Variants in FOXP2 observed in about 807,000 individuals in gnomAD.
FOXP2 encodes forkhead box protein P2.
Under a neutral mutation model 115.8 loss-of-function variants are expected in FOXP2, and 12 were observed. The ratio of observed to expected loss-of-function variants is 0.10; its 90% CI spans 0.07 to 0.17. The LOEUF is 0.17. FOXP2 is among the 10% of genes least tolerant of loss of function. The pLI, the probability that FOXP2 is intolerant of heterozygous loss-of-function variation, is 1.00. For synonymous variants in FOXP2, 328 were observed against 297.7 expected, an observed-to-expected ratio of 1.10 and a Z score of -1.05; for missense variants, 629 against 843.5, an observed-to-expected ratio of 0.75 and a Z score of 3.15.
intron 2 of FOXP2, among the ~76,000 whole-genome samples, chr7:114,335,250 G>T (rs1797822249): frequency 2.0e-5 from 3 of 151,492 alleles, no homozygotes; most frequent in Non-Finnish European, 4.4e-5. Context: ...TAAGAATGGG[G>T]TATAATGCCA....
chr7:114,308,457 A>C (rs1325269308), intron 2 of FOXP2, among the ~76,000 whole-genome samples: 2 of 152,130 alleles, frequency 1.3e-5, no homozygotes, highest in Admixed American at 1.3e-4. Context: ...AATTTTCAAA[A>C]CAGGTCTGTA....
intron 3 of FOXP2, among the ~76,000 whole-genome samples, chr7:114,563,094 C>G (rs891942374): frequency 2.6e-5 from 4 of 152,132 alleles, no homozygotes; most frequent in African/African-American, 9.7e-5. Context: ...TCTCTTGAGA[C>G]TTATTCACTG....
chr7:114,611,975 A>T (rs1347588555), intron 3 of FOXP2, among the ~76,000 whole-genome samples: 1 of 152,202 alleles, frequency 6.6e-6, no homozygotes, highest in African/African-American at 2.4e-5. Flanking sequence ...AAAATGAAAA[A>T]TAATTTAGGT....
At chr7:114,277,633 A>T (rs895874412) in intron 1 of FOXP2, among the ~76,000 whole-genome samples, 2 of 152,096 alleles carry the variant, frequency 1.3e-5, no homozygotes, top group Non-Finnish European at 2.9e-5. Context: ...CATAATTTCA[A>T]TCTTTTTCAG....
chr7:114,273,726 C>G (rs1261814165), intron 1 of FOXP2, among the ~76,000 whole-genome samples: 4 of 152,028 alleles, frequency 2.6e-5, no homozygotes, highest in African/African-American at 9.7e-5. Flanking sequence ...GCTTTGAAGT[C>G]TGCTATGTCT....
intron 2 of FOXP2, chr7:114,366,596 A>C (rs1482827608): frequency 6.6e-6 from 1 of 152,160 alleles, no homozygotes; most frequent in East Asian, 1.9e-4. Flanking sequence ...ATAATTTGCT[A>C]CTAGTCTTCC....
intron 2 of FOXP2, among the ~76,000 whole-genome samples, chr7:114,511,020 C>CAGCCA (rs1798041889): frequency 2.0e-5 from 3 of 152,168 alleles, no homozygotes; most frequent in Admixed American, 2.0e-4. Context: ...GAATACTATG[C>CAGCCA]AGCCATGAAA....
chr7:114,467,525 T>C (rs1359310090), intron 2 of FOXP2, among the ~76,000 whole-genome samples: 1 of 152,154 alleles, frequency 6.6e-6, no homozygotes, highest in East Asian at 1.9e-4. Flanking sequence ...ATTTACTTTC[T>C]GCATCATAAG....
intron 1 of FOXP2, among the ~76,000 whole-genome samples, chr7:114,178,583 A>G (rs1012793264): frequency 3.3e-5 from 5 of 151,964 alleles, no homozygotes; most frequent in African/African-American, 1.2e-4. Flanking sequence ...GATAATGCCA[A>G]GATATTTTCC....
intron 2 of FOXP2, among the ~76,000 whole-genome samples, chr7:114,495,044 A>G (rs1211375976): frequency 6.6e-6 from 1 of 152,160 alleles, no homozygotes; most frequent in Non-Finnish European, 1.5e-5. Context: ...TACACACACA[A>G]TCAGTTATAT....
chr7:114,444,218 G>C (rs117695392), intron 2 of FOXP2, among the ~76,000 whole-genome samples: 130 of 152,192 alleles, frequency 8.5e-4, no homozygotes, highest in Middle Eastern at 6.8e-3. Context: ...AACATGAGAA[G>C]TTATCTGTGC....
chr7:114,514,589 CT>C (rs948985417), intron 2 of FOXP2, among the ~76,000 whole-genome samples: 2 of 150,192 alleles, frequency 1.3e-5, no homozygotes, highest in African/African-American at 2.4e-5. Context: ...ACACAATTTT[CT>C]TTTTTTTTAG....
At chr7:114,391,913 G>A (rs1792611431) in intron 2 of FOXP2, among the ~76,000 whole-genome samples, 1 of 152,132 alleles carries the variant, frequency 6.6e-6, no homozygotes, top group African/African-American at 2.4e-5. Context: ...TAGAATGAAG[G>A]CATGATGACA....
At chr7:114,547,156 A>T (rs374192298) in intron 3 of FOXP2, among the ~76,000 whole-genome samples, 2 of 152,200 alleles carry the variant, frequency 1.3e-5, no homozygotes, top group East Asian at 3.8e-4. Flanking sequence ...CAGGCTCTTT[A>T]TGAAATACTA....
At chr7:114,183,764 T>C (rs1793519427) in intron 1 of FOXP2, among the ~76,000 whole-genome samples, 1 of 152,188 alleles carries the variant, frequency 6.6e-6, no homozygotes, top group Non-Finnish European at 1.5e-5. Flanking sequence ...GCTATATTCT[T>C]AGCTTTAAAA....
chr7:114,130,143 A>C (rs1028063421), intron 1 of FOXP2, among the ~76,000 whole-genome samples: 10 of 152,012 alleles, frequency 6.6e-5, no homozygotes, highest in African/African-American at 2.2e-4. Context: ...GTGAAACCCC[A>C]TCTCTACCAA....
At chr7:114,246,175 T>C (rs2129168522) in intron 1 of FOXP2, among the ~76,000 whole-genome samples, 1 of 152,236 alleles carries the variant, frequency 6.6e-6, no homozygotes, top group East Asian at 1.9e-4. Context: ...TAAAGAATAT[T>C]CTTAAAGTTA....
At chr7:114,134,191 T>G (rs1368393963) in intron 1 of FOXP2, among the ~76,000 whole-genome samples, 2 of 152,140 alleles carry the variant, frequency 1.3e-5, no homozygotes, top group Non-Finnish European at 2.9e-5. Context: ...TTAAGATCAT[T>G]AGTGATCTTC....
At chr7:114,192,599 A>G (rs1793789537) in intron 1 of FOXP2, among the ~76,000 whole-genome samples, 1 of 152,170 alleles carries the variant, frequency 6.6e-6, no homozygotes, top group Non-Finnish European at 1.5e-5. Context: ...AACTTTGTAT[A>G]TTTAAAAAAA....
Sources: allele counts gnomAD v4.1 joint callset (sites outside exome capture counted in the v4.1 genomes callset), GRCh38; gene constraint gnomAD v4.1.1; transcripts MANE v1.5; gene names NCBI Gene and HGNC (gene_info 2026-07-23, HGNC 2026-07-21).